The following HNF4G variants were observed in gnomAD, a reference collection of about 807,000 sequenced individuals.
HNF4G encodes the protein hepatocyte nuclear factor 4-gamma.
HNF4G carries 21 observed loss-of-function variants against 50.9 expected under a neutral mutation model. That is an observed-to-expected ratio of 0.41 (90% CI 0.29 to 0.59). HNF4G has a LOEUF of 0.59. HNF4G is among the 20% of genes least tolerant of loss of function. The probability of loss-of-function intolerance (pLI) is 0.26; values close to 1 mark genes in which losing one functional copy is unlikely to be tolerated. For missense variants in HNF4G, 527 were observed against 559.4 expected (o/e 0.94, Z 0.58); for synonymous variants, 198 against 185.6 (o/e 1.07, Z -0.54).
intron 2 of HNF4G, among the ~76,000 whole-genome samples, chr8:75,523,750 A>T (rs1806108279): frequency 6.6e-6 from 1 of 151,896 alleles, no homozygotes; most frequent in African/African-American, 2.4e-5. Flanking sequence ...ATAATACTAA[A>T]TAGAGTATTA....
intron 2 of HNF4G, among the ~76,000 whole-genome samples, chr8:75,511,220 T>C (rs1354647306): frequency 2.0e-5 from 3 of 152,200 alleles, no homozygotes; most frequent in African/African-American, 4.8e-5. Context: ...TAGTTAGGAT[T>C]ATATAATTAA....
At chr8:75,410,765 G>C (rs1221381412) in intron 1 of HNF4G, among the ~76,000 whole-genome samples, 2 of 152,152 alleles carry the variant, frequency 1.3e-5, no homozygotes, top group Non-Finnish European at 2.9e-5. Context: ...AAATGAAACT[G>C]GGTATGTTGT....
intron 1 of HNF4G, among the ~76,000 whole-genome samples, chr8:75,476,837 A>T (rs1044635716): frequency 2.0e-5 from 3 of 152,206 alleles, no homozygotes; most frequent in Admixed American, 1.3e-4. Context: ...GAATGAATGC[A>T]TGCAGTGAGG....
intron 1 of HNF4G, among the ~76,000 whole-genome samples, chr8:75,471,352 G>A (rs1812107008): frequency 6.6e-6 from 1 of 152,110 alleles, no homozygotes; most frequent in Non-Finnish European, 1.5e-5. Flanking sequence ...AATTTCTGCA[G>A]TATATCTAAG....
At chr8:75,450,841 G>A (rs1256135958) in intron 1 of HNF4G, among the ~76,000 whole-genome samples, 1 of 152,116 alleles carries the variant, frequency 6.6e-6, no homozygotes, top group African/African-American at 2.4e-5. Context: ...ATGGGAGTGG[G>A]TCATTATCTC....
At chr8:75,453,340 A>C (rs578215721) in intron 1 of HNF4G, among the ~76,000 whole-genome samples, 1 of 152,234 alleles carries the variant, frequency 6.6e-6, no homozygotes, top group African/African-American at 2.4e-5. Context: ...AGCTAGCTAG[A>C]GGTTTGTAAA....
intron 2 of HNF4G, among the ~76,000 whole-genome samples, chr8:75,530,586 TA>T (rs1311287127): frequency 1.3e-5 from 2 of 152,176 alleles, no homozygotes; most frequent in Non-Finnish European, 2.9e-5. Context: ...ACTTTAGGTT[TA>T]AATCATTTTC....
intron 1 of HNF4G, among the ~76,000 whole-genome samples, chr8:75,475,910 C>T (rs992305613): frequency 3.9e-5 from 6 of 152,016 alleles, no homozygotes; most frequent in Admixed American, 6.5e-5. Flanking sequence ...AATTGTTGAA[C>T]TTCATTTTTG....
intron 1 of HNF4G, among the ~76,000 whole-genome samples, chr8:75,542,247 G>A (rs1320853806): frequency 6.6e-6 from 1 of 152,106 alleles, no homozygotes; most frequent in Non-Finnish European, 1.5e-5. Flanking sequence ...CCAGGTTGCA[G>A]TGAGCTAGGA....
upstream of HNF4G, among the ~76,000 whole-genome samples, chr8:75,537,969 T>C (rs887198151): frequency 1.3e-5 from 2 of 152,198 alleles, no homozygotes; most frequent in Admixed American, 1.3e-4. Flanking sequence ...GGGCTTCCAC[T>C]GTACTTTGTA....
At chr8:75,551,808 T>C (rs1419615609) in intron 4 of HNF4G, among the ~76,000 whole-genome samples, 1 of 152,314 alleles carries the variant, frequency 6.6e-6, no homozygotes, top group African/African-American at 2.4e-5. Flanking sequence ...TTTTATTTTA[T>C]TGATGGAATC....
chr8:75,539,731 C>A, upstream of HNF4G: 1 of 387,704 alleles, frequency 2.6e-6, no homozygotes. Flanking sequence ...TTCCATGAAG[C>A]ATTCCAAGAT....
intron 1 of HNF4G, among the ~76,000 whole-genome samples, chr8:75,412,482 G>T (rs1810523570): frequency 6.6e-6 from 1 of 152,140 alleles, no homozygotes; most frequent in South Asian, 2.1e-4. Context: ...CAGTATAGAA[G>T]AATCATATTT....
At chr8:75,551,632 A>G (rs1806963311) in intron 4 of HNF4G, 138 bp downstream of exon 4, 1 of 524,976 alleles carries the variant, frequency 1.9e-6, no homozygotes, top group Admixed American at 3.2e-5. Flanking sequence ...TAAGAGTTTT[A>G]CTTTGAAAGT....
chr8:75,466,637 T>G (rs1347904108), intron 1 of HNF4G, among the ~76,000 whole-genome samples: 250 of 21,168 alleles, frequency 0.012, 4 homozygotes, highest in Middle Eastern at 0.033. Context: ...TCCTTCCTTC[T>G]CCCTTCCCTT....
chr8:75,533,265 G>C (rs772608203), intron 2 of HNF4G, among the ~76,000 whole-genome samples: 1 of 151,992 alleles, frequency 6.6e-6, no homozygotes, highest in Non-Finnish European at 1.5e-5. Flanking sequence ...CATAGAACTT[G>C]CTTCTTAAAG....
intron 1 of HNF4G, among the ~76,000 whole-genome samples, chr8:75,431,245 T>A (rs1042923176): frequency 2.0e-5 from 3 of 152,064 alleles, no homozygotes; most frequent in Non-Finnish European, 2.9e-5. Flanking sequence ...AACATACATC[T>A]AATTGGAGAG....
chr8:75,434,686 A>ACACAC (rs1811096315), intron 1 of HNF4G, among the ~76,000 whole-genome samples: 1 of 151,840 alleles, frequency 6.6e-6, no homozygotes. Flanking sequence ...ACACACACAC[A>ACACAC]CACACACACA....
At chr8:75,550,054 T>A (rs756411411) in intron 3 of HNF4G, among the ~76,000 whole-genome samples, 7 of 152,144 alleles carry the variant, frequency 4.6e-5, no homozygotes, top group Non-Finnish European at 7.4e-5. Context: ...AATTCCTCCT[T>A]TAACTTAATG....
Sources: gnomAD v4.1 joint callset for allele counts (sites outside exome capture counted in the v4.1 genomes callset) on GRCh38, gnomAD v4.1.1 for gene constraint, MANE v1.5 for transcripts, NCBI Gene and HGNC (gene_info 2026-07-23, HGNC 2026-07-21) for gene names.